The following NDUFAF6 variants were observed in gnomAD, a reference collection of about 807,000 sequenced individuals.
NDUFAF6 encodes NADH dehydrogenase (ubiquinone) complex I, assembly factor 6.
In NDUFAF6, 45 loss-of-function variants were observed where a neutral mutation model predicts 40.8. The observed-to-expected ratio is 1.10, with a 90% confidence interval of 0.87 to 1.42. The LOEUF (loss-of-function observed/expected upper bound fraction) is 1.42. Among genes scored for constraint, NDUFAF6 ranks in the 40% most tolerant of loss-of-function variants. The pLI is 0.00. For missense variants in NDUFAF6, 435 were observed against 418.5 expected (o/e 1.04, Z -0.34); for synonymous variants, 185 against 155.9 (o/e 1.19, Z -1.39).
At chr8:95,089,131 G>T (rs985550777) in intron 2 of NDUFAF6, among the ~76,000 whole-genome samples, 1 of 151,872 alleles carries the variant, frequency 6.6e-6, no homozygotes, top group Non-Finnish European at 1.5e-5. Context: ...TGCGATCTCC[G>T]CCCACTGCAA....
At chr8:95,063,468 G>C (rs1239348753), downstream of NDUFAF6, among the ~76,000 whole-genome samples, 1 of 152,048 alleles carries the variant, frequency 6.6e-6, no homozygotes, top group Non-Finnish European at 1.5e-5. Context: ...ATGGTGGCAG[G>C]TGCCTGTAGT....
chr8:94,998,443 G>A (rs1355015209), intron 2 of NDUFAF6, among the ~76,000 whole-genome samples: 2 of 151,614 alleles, frequency 1.3e-5, no homozygotes, highest in Admixed American at 6.6e-5. Context: ...TAAGGATACT[G>A]TATTGTAACT....
chr8:95,073,817 G>C (rs140362787), intron 9 of NDUFAF6, among the ~76,000 whole-genome samples: 34 of 152,278 alleles, frequency 2.2e-4, no homozygotes, highest in African/African-American at 7.2e-4. Flanking sequence ...AAGAGTAAAA[G>C]AGACTTTAAA....
At chr8:95,079,973 T>G (rs1030114929), downstream of NDUFAF6, among the ~76,000 whole-genome samples, 2 of 118,890 alleles carry the variant, frequency 1.7e-5, no homozygotes, top group Non-Finnish European at 3.5e-5. Flanking sequence ...TGTAGTGATT[T>G]TTTGTAGTGT....
Position 95,025,037 on chromosome 8 carries a change from G to C in NDUFAF6, c.29G>C (p.Trp10Ser). 7.1e-7 allele frequency: 1 copy of C among 1,413,600 alleles called. No homozygotes were observed. The highest frequency in any genetic ancestry group is 9.1e-7 in the Non-Finnish European group (1 of 1,096,094). The allele number at this position is 1,413,600 out of a possible 1,614,324, so 87.6% of individuals were successfully genotyped here. ...GCGGCCTCCGCGCACGGCTCTGTCT[G>C]GGGGCCGTTGCGGCTTGGCATCCCC... MAASAHGSVWGPLRLGIPGL... is the reference protein window; with the variant it reads MAASAHGSVSGPLRLGIPGL... The change falls in exon 1 of 9, where the codon TGG (tryptophan) becomes TCG (serine). Residue 10 changes from tryptophan (W) to serine (S), a missense_variant. Trp to Ser is a radical substitution (Grantham distance 177). Transcript: ENST00000396124.
intron 4 of NDUFAF6, among the ~76,000 whole-genome samples, chr8:95,111,853 T>C (rs182783482): frequency 2.5e-3 from 387 of 152,276 alleles, no homozygotes; most frequent in Non-Finnish European, 3.5e-3. Context: ...TGACCATATA[T>C]TATATGAGTT....
At chr8:95,080,397 T>C (rs1808795480), downstream of NDUFAF6, among the ~76,000 whole-genome samples, 2 of 151,896 alleles carry the variant, frequency 1.3e-5, no homozygotes, top group Admixed American at 1.3e-4. Flanking sequence ...TTTTTGGTAG[T>C]GTATTTTTGT....
chr8:95,005,554 A>ATATATATATATAAATAT (rs1554657858), intron 2 of NDUFAF6, among the ~76,000 whole-genome samples: 1 of 115,354 alleles, frequency 8.7e-6, no homozygotes, highest in African/African-American at 3.7e-5. Flanking sequence ...TATATATATA[A>ATATATATATATAAATAT]AAAATATATT....
In NDUFAF6 at chr8:94,971,540, T is replaced by C. The variant is rs1824459016; in HGVS notation, c.-198-9319T>C. ...GGAGGCTCCTGCTGCAGTGTCAGGA[T>C]TGGGCCAGTGGGAATGCCTCTATTT... is the stretch of plus-strand genomic sequence containing the variant. On this transcript the variant is annotated intron_variant, in intron 1 of 9. Coordinates refer to the NDUFAF6 transcript ENST00000396111. 2.0e-5 allele frequency among the ~76,000 whole-genome samples: 3 copies of C among 152,162 alleles called. No individual in the cohort carries two copies. The South Asian group carries it at 6.2e-4, about 31-fold the overall frequency.
upstream of NDUFAF6, among the ~76,000 whole-genome samples, chr8:95,021,505 C>T (rs1278359802): frequency 6.6e-6 from 1 of 152,192 alleles, no homozygotes; most frequent in African/African-American, 2.4e-5. Flanking sequence ...GACTATATTT[C>T]CAACTCTGTG....
intron 1 of NDUFAF6, 105 bp from the exon 2 acceptor site, chr8:95,031,890 C>G: frequency 1.8e-6 from 2 of 1,092,906 alleles, no homozygotes; most frequent in South Asian, 1.3e-5. Context: ...CATGAGCTAC[C>G]GCGCCCAACT....
At chr8:95,082,327 A>G (rs1808897822) in intron 2 of NDUFAF6, among the ~76,000 whole-genome samples, 1 of 152,040 alleles carries the variant, frequency 6.6e-6, no homozygotes, top group African/African-American at 2.4e-5. Flanking sequence ...AAAATAAAAA[A>G]GAAAAACTAA....
chr8:94,915,688 C>A (rs141201517), intron 1 of NDUFAF6, among the ~76,000 whole-genome samples: 2,026 of 152,352 alleles, frequency 0.013, 16 homozygotes, highest in Non-Finnish European at 0.018. Context: ...ATCCCACCAA[C>A]TGTGTCAGTG....
intron 1 of NDUFAF6, chr8:94,896,720 C>G (rs540344561): frequency 6.6e-6 from 1 of 152,106 alleles, no homozygotes; most frequent in East Asian, 1.9e-4. Flanking sequence ...CGGCGCCCGG[C>G]GACCCCCGCT....
downstream of NDUFAF6, among the ~76,000 whole-genome samples, chr8:95,077,128 A>G (rs972820754): frequency 1.3e-5 from 2 of 152,196 alleles, no homozygotes; most frequent in Admixed American, 1.3e-4. Context: ...CTTCGAAAAA[A>G]TCAACCCTGG....
intron 1 of NDUFAF6, among the ~76,000 whole-genome samples, chr8:94,971,763 C>T (rs952879998): frequency 6.6e-6 from 1 of 151,998 alleles, no homozygotes; most frequent in East Asian, 1.9e-4. Context: ...ATGATGAAAC[C>T]CCCGTCTCTA....
At position 95,084,769 on chromosome 8, in the gene NDUFAF6, C is replaced by G. The variant is rs1415209642; in HGVS notation, n.213+9017C>G. Among the ~76,000 whole-genome samples, 3 of 152,178 alleles carry G rather than the reference C, an allele frequency of 2.0e-5. 1 individual carries two copies. The highest frequency in any genetic ancestry group is 2.0e-4 in the Admixed American group (3 of 15,286). On this transcript the variant is annotated intron_variant and non_coding_transcript_variant, in intron 2 of 5. Transcript: ENST00000523184. ...CCTACCTAGACAGGGAGGTTCCTGT[C>G]TGTACCAAAACAACACTTGGGTACC...
intron 1 of NDUFAF6, among the ~76,000 whole-genome samples, chr8:94,935,639 G>A (rs1820906913): frequency 2.6e-5 from 4 of 152,156 alleles, no homozygotes; most frequent in Non-Finnish European, 4.4e-5. Flanking sequence ...AAATGGTCGG[G>A]GTGGTGAAGA....
At chr8:95,014,028 A>G (rs778304317) in intron 2 of NDUFAF6, among the ~76,000 whole-genome samples, 59 of 152,334 alleles carry the variant, frequency 3.9e-4, no homozygotes, top group Non-Finnish European at 8.2e-4. Flanking sequence ...GAAGACTGTC[A>G]GCAAACCACC....
Sources: allele counts gnomAD v4.1 joint callset (sites outside exome capture counted in the v4.1 genomes callset), GRCh38; gene constraint gnomAD v4.1.1; transcripts MANE v1.5; gene names NCBI Gene and HGNC (gene_info 2026-07-23, HGNC 2026-07-21).